Variants in PTPRB observed in about 807,000 individuals in gnomAD.
PTPRB encodes the protein protein tyrosine phosphatase receptor type B.
In PTPRB, 97 loss-of-function variants were observed where a neutral mutation model predicts 238.1. The observed-to-expected ratio is 0.41, with a 90% CI of 0.35 to 0.48. The LOEUF (loss-of-function observed/expected upper bound fraction) is 0.48, where lower values mean the gene tolerates loss of function less well. PTPRB is among the 20% of genes least tolerant of loss of function. The probability of loss-of-function intolerance (pLI) is 0.30; values close to 1 mark genes in which losing one functional copy is unlikely to be tolerated. For missense variants in PTPRB, 2,292 were observed against 2,681.9 expected (o/e 0.85, Z 3.21); for synonymous variants, 970 against 995.4 (o/e 0.97, Z 0.48).
At chr12:70,570,595 T>A (rs1341714545) in intron 13 of PTPRB, among the ~76,000 whole-genome samples, 1 of 152,150 alleles carries the variant, frequency 6.6e-6, no homozygotes, top group Non-Finnish European at 1.5e-5. Context: ...GCTATCCTCC[T>A]GCCTTGGCTT....
rs1877590316 is a variant in PTPRB, at chr12:70,555,883, G to A, written c.4980C>T (p.Ile1660=). Residue 1660 remains isoleucine (I), a synonymous_variant, in exon 19 of 34, where the codon ATC becomes ATT. Transcript: ENST00000334414. ...AGGGACACTTACGGTCTATCATTGTGATAGTGCTGTCTTCAACCACCTCGC... is the reference window on the plus strand; with the variant it reads ...AGGGACACTTACGGTCTATCATTGTAATAGTGCTGTCTTCAACCACCTCGC... ...MTSEVVEDST[I]TMIDRPPPPP... The A allele has an allele frequency of 6.2e-7, 1 of 1,612,516 alleles. No homozygotes were observed. The highest frequency in any genetic ancestry group is 1.3e-5 in the African/African-American group (1 of 74,890).
chr12:70,524,732 A>T (rs1872085575), intron 32 of PTPRB, 141 bp from the exon 33 acceptor site: 1 of 881,464 alleles, frequency 1.1e-6, no homozygotes, highest in Admixed American at 3.4e-5. Context: ...TCTCTGGTAA[A>T]TAAAAGAGTG....
At chr12:70,534,442 A>G (rs767806443) in intron 31 of PTPRB, 46 bp downstream of exon 31, 3 of 1,590,626 alleles carry the variant, frequency 1.9e-6, no homozygotes, top group Non-Finnish European at 2.6e-6. Flanking sequence ...CCCAGGCACA[A>G]CCCCCTTATG....
chr12:70,623,183 C>T (rs1233246358), intron 2 of PTPRB, among the ~76,000 whole-genome samples: 1 of 152,134 alleles, frequency 6.6e-6, no homozygotes, highest in African/African-American at 2.4e-5. Flanking sequence ...CTTCGTTAGC[C>T]ACAGTGCAAA....
chr12:70,547,186 A>G (rs936738769), intron 21 of PTPRB, among the ~76,000 whole-genome samples: 1 of 152,224 alleles, frequency 6.6e-6, no homozygotes, highest in African/African-American at 2.4e-5. Flanking sequence ...GAACATCAAG[A>G]TGATATTGAT....
At chr12:70,601,790 CTTTTTTT>C (rs200227553) in intron 4 of PTPRB, among the ~76,000 whole-genome samples, 85 of 127,558 alleles carry the variant, frequency 6.7e-4, no homozygotes, top group African/African-American at 1.7e-3. Flanking sequence ...TTTCTTTTTT[CTTTTTTT>C]TTTTTTTTTT....
intron 3 of PTPRB, among the ~76,000 whole-genome samples, chr12:70,610,868 T>C (rs1329796510): frequency 1.3e-5 from 2 of 152,126 alleles, no homozygotes; most frequent in Non-Finnish European, 2.9e-5. Context: ...CTACTGTTGA[T>C]AGTCAGCTCT....
intron 12 of PTPRB, 34 bp from the exon 13 acceptor site, chr12:70,571,323 G>C (rs751736860): frequency 1.9e-6 from 3 of 1,539,478 alleles, no homozygotes; most frequent in South Asian, 1.1e-5. Context: ...TTTCAGGAAA[G>C]GAACTGATCA....
intron 21 of PTPRB, among the ~76,000 whole-genome samples, chr12:70,545,836 T>C (rs1305083752): frequency 1.3e-5 from 2 of 152,076 alleles, no homozygotes; most frequent in Non-Finnish European, 2.9e-5. Flanking sequence ...GTGGGATCAT[T>C]GATAGAAATA....
At chr12:70,587,471 C>T (rs1882034351) in intron 8 of PTPRB, among the ~76,000 whole-genome samples, 1 of 152,180 alleles carries the variant, frequency 6.6e-6, no homozygotes, top group Non-Finnish European at 1.5e-5. Context: ...AATTAGAAAA[C>T]ATCTTGCCAG....
At chr12:70,637,294 C>T (rs1167597344) in intron 1 of PTPRB, 47 bp downstream of exon 1, 2 of 1,545,102 alleles carry the variant, frequency 1.3e-6, no homozygotes, top group East Asian at 2.3e-5. Flanking sequence ...GACTCCTTGG[C>T]TAGATCTTGA....
chr12:70,596,870 G>A (rs1883070634), intron 4 of PTPRB, among the ~76,000 whole-genome samples: 1 of 151,712 alleles, frequency 6.6e-6, no homozygotes, highest in African/African-American at 2.4e-5. Flanking sequence ...GGATAGGGTT[G>A]CTTACCAAAA....
At chr12:70,637,192 G>T (rs1885743329) in intron 1 of PTPRB, 149 bp downstream of exon 1, 1 of 637,776 alleles carries the variant, frequency 1.6e-6, no homozygotes, top group South Asian at 2.1e-5. Flanking sequence ...GGCATAGCTG[G>T]CTCCTTTTAT....
chr12:70,538,264 G>A (rs1470795314), intron 27 of PTPRB, 33 bp from the exon 28 acceptor site: 90 of 1,584,236 alleles, frequency 5.7e-5, no homozygotes, highest in Non-Finnish European at 7.4e-5. Context: ...GAGTCTTGGA[G>A]TGACTTTTCT....
intron 32 of PTPRB, among the ~76,000 whole-genome samples, chr12:70,525,126 A>G (rs533283773): frequency 1.2e-3 from 179 of 152,256 alleles, no homozygotes; most frequent in African/African-American, 4.1e-3. Flanking sequence ...TAATGATTTC[A>G]AAAACCTTGT....
Position 70,560,076 on chromosome 12 carries a change from A to T in PTPRB, c.4433-452T>A, listed in dbSNP as rs892555593. Among the ~76,000 whole-genome samples, 2 of 152,010 alleles carry T rather than the reference A, an allele frequency of 1.3e-5. No homozygotes were observed. Among genetic ancestry groups the T allele is most frequent in the Non-Finnish European group, 2.9e-5 (2 of 67,998 alleles). ...GGTCTCGAACTCCAGACCTCAAGTG[A>T]TCCACCCACCTCGGCCTCCCAAAGT... On this transcript the variant is annotated intron_variant, in intron 17 of 33. Transcript: ENST00000334414. This position sits in a 1 kb window ranked among gnomAD's most constrained non-coding sequence, Gnocchi z 4.2.
In PTPRB at chr12:70,581,285, C is replaced by CA; in HGVS notation, c.2328dup (p.Asp777Ter). 1 of 1,613,236 alleles carries CA rather than the reference C, an allele frequency of 6.2e-7. No individual in the cohort carries two copies. Among genetic ancestry groups the CA allele is most frequent in the Non-Finnish European group, 8.5e-7 (1 of 1,179,440 alleles). On this transcript the variant is annotated frameshift_variant, in exon 10 of 34. Coordinates refer to ENST00000334414, the MANE Select transcript of PTPRB (RefSeq NM_001109754.4). LOFTEE classifies it high-confidence loss of function. ...ATTCCTTGGTTGGCCACATGCAAGT[C>CA]AGTCACTTGGGCAGGCACTAAAACA...
chr12:70,570,798 T>C (rs910925110), intron 13 of PTPRB, among the ~76,000 whole-genome samples: 17 of 152,140 alleles, frequency 1.1e-4, no homozygotes, highest in African/African-American at 4.1e-4. Context: ...CATCAGTTCA[T>C]TGCTATTTCT....
intron 4 of PTPRB, chr12:70,608,850 G>T (rs1884184385): frequency 6.3e-6 from 4 of 636,600 alleles, no homozygotes; most frequent in Non-Finnish European, 1.0e-5. Context: ...CCTTTCAGTA[G>T]CTAGTTGGCT....
Sources: allele counts gnomAD v4.1 joint callset (sites outside exome capture counted in the v4.1 genomes callset), GRCh38; gene constraint gnomAD v4.1.1; non-coding constraint Gnocchi (gnomAD v3.1); transcripts MANE v1.5; gene names NCBI Gene and HGNC (gene_info 2026-07-23, HGNC 2026-07-21).